The following PLAC1 variants were observed in gnomAD, a reference collection of about 807,000 sequenced individuals.
The protein encoded by PLAC1 is placenta-specific protein 1.
For missense variants in PLAC1, 136 were observed against 163.2 expected (o/e 0.83, Z 0.91); for synonymous variants, 68 against 62.1 (o/e 1.09, Z -0.44).
At position 134,614,816 on chromosome X, in the gene PLAC1, C is replaced by CT. The variant is rs768384971; in HGVS notation, c.-130-12695dup. ...TGCCCAGCTAATTTTTTTTCTTTTT[C>CT]TTTTTTTTTACTTTTGTAAAGATAG... On this transcript the variant is annotated intron_variant, in intron 1 of 2. Coordinates refer to ENST00000359237, the MANE Select transcript of PLAC1 (RefSeq NM_021796.4). 2.7e-3 allele frequency among the ~76,000 whole-genome samples: 289 copies of CT among 109,036 alleles called. 5 individuals carry two copies. The highest frequency in any genetic ancestry group is 9.2e-3 in the African/African-American group (277 of 30,023). 94.7% of individuals were successfully genotyped at this position (109,036 alleles called of 115,157 possible). A position where few individuals can be genotyped will look rare whatever the true frequency, so the allele number is the denominator to read the frequency against.
At chrX:134,719,645 C>G (rs2078652246) in intron 2 of PLAC1, among the ~76,000 whole-genome samples, 1 of 110,722 alleles carries the variant, frequency 9.0e-6, no homozygotes, top group African/African-American at 3.3e-5. Context: ...AAAAAATTAG[C>G]TGGGCGTGGT....
intron 2 of PLAC1, among the ~76,000 whole-genome samples, chrX:134,573,752 CTT>C (rs1465277928): frequency 4.5e-5 from 5 of 111,478 alleles, no homozygotes; most frequent in Non-Finnish European, 9.4e-5. Flanking sequence ...CCACAGTTGA[CTT>C]TATAGGCTAC....
chrX:134,674,609 C>T (rs2078467086), intron 2 of PLAC1, among the ~76,000 whole-genome samples: 1 of 112,520 alleles, frequency 8.9e-6, no homozygotes, highest in Non-Finnish European at 1.9e-5. Context: ...TAATTTAGAA[C>T]TGTAGAAAAC....
Position 134,638,045 on chromosome X carries a change from A to G in PLAC1, c.-131+20283T>C, listed in dbSNP as rs900455988. Among the ~76,000 whole-genome samples, 4 of 112,191 alleles carry G rather than the reference A, an allele frequency of 3.6e-5. No homozygotes were observed. The Admixed American group carries it at 3.8e-4, about 11-fold the overall frequency. ...ATAAACGAGAGTCTACTGGAGGGGAATCCTTTGTTTAAATGTCCTTTTTTG... is the reference window on the plus strand; with the variant it reads ...ATAAACGAGAGTCTACTGGAGGGGAGTCCTTTGTTTAAATGTCCTTTTTTG... On this transcript the variant is annotated intron_variant, in intron 1 of 2. Transcript: ENST00000359237.
At chrX:134,610,455 A>T (rs2078147092) in intron 1 of PLAC1, among the ~76,000 whole-genome samples, 2 of 111,082 alleles carry the variant, frequency 1.8e-5, no homozygotes, top group African/African-American at 6.6e-5. Flanking sequence ...ACTAGATGAG[A>T]ACAGTTTTCC....
At chrX:134,747,309 C>T (rs1051137241) in intron 1 of PLAC1, among the ~76,000 whole-genome samples, 5 of 110,501 alleles carry the variant, frequency 4.5e-5, no homozygotes, top group African/African-American at 1.7e-4. Flanking sequence ...AGAGCATATG[C>T]CCAAAAGTTT....
At chrX:134,698,031 T>G (rs1007613844) in intron 2 of PLAC1, among the ~76,000 whole-genome samples, 1 of 112,359 alleles carries the variant, frequency 8.9e-6, no homozygotes. Context: ...TATTTATATG[T>G]CAATAAATAT....
intron 1 of PLAC1, among the ~76,000 whole-genome samples, chrX:134,755,861 T>C (rs28535293): frequency 3.4e-5 from 3 of 87,280 alleles, no homozygotes; most frequent in East Asian, 3.4e-4. Flanking sequence ...TCTTTCTTTT[T>C]TTTTTTTTTT....
intron 2 of PLAC1, chrX:134,599,451 A>C (rs1193524820): frequency 1.8e-5 from 2 of 111,835 alleles, no homozygotes; most frequent in Non-Finnish European, 3.8e-5. Context: ...TCCTGCCACC[A>C]CATGAAGAAA....
At chrX:134,599,636 C>T (rs1213879669) in intron 2 of PLAC1, 1 of 111,940 alleles carries the variant, frequency 8.9e-6, no homozygotes, top group Admixed American at 9.5e-5. Context: ...GGGTTTTTCC[C>T]CCAGCAGAGC....
intron 2 of PLAC1, among the ~76,000 whole-genome samples, chrX:134,695,421 CA>C (rs746864199): frequency 1.8e-5 from 2 of 112,214 alleles, no homozygotes; most frequent in East Asian, 5.6e-4. Context: ...CCTCCAGATA[CA>C]AGCTGTTAGT....
In PLAC1 at chrX:134,616,806, C is replaced by T. The variant is rs1401032377; in HGVS notation, c.-130-14684G>A. On this transcript the variant is annotated intron_variant, in intron 1 of 2. Coordinates refer to ENST00000359237, the MANE Select transcript of PLAC1 (RefSeq NM_021796.4). ...CACTTTTTTTTTTTAGACAGAGTCT[C>T]GCTCTGTCACCCAGGCTGGAGTGCA... Among the ~76,000 whole-genome samples, 89 of 107,052 alleles carry T rather than the reference C, an allele frequency of 8.3e-4. 1 individual carries two copies. Among genetic ancestry groups the T allele is most frequent in the Admixed American group, 8.3e-3 (83 of 9,995 alleles). 93.0% of individuals were successfully genotyped at this position (107,052 alleles called of 115,157 possible).
At chrX:134,640,776 G>T (rs2078304100) in intron 1 of PLAC1, among the ~76,000 whole-genome samples, 1 of 112,253 alleles carries the variant, frequency 8.9e-6, no homozygotes, top group African/African-American at 3.2e-5. Flanking sequence ...CCAGCACAGT[G>T]CCTGGAGCAC....
chrX:134,580,268 C>T (rs1210594160), intron 2 of PLAC1, among the ~76,000 whole-genome samples: 1 of 111,874 alleles, frequency 8.9e-6, no homozygotes, highest in Non-Finnish European at 1.9e-5. Context: ...CTGAGATTCC[C>T]GCAGAAAGAA....
chrX:134,568,098 G>A (rs915254987), intron 2 of PLAC1, among the ~76,000 whole-genome samples: 5 of 111,949 alleles, frequency 4.5e-5, no homozygotes, highest in Non-Finnish European at 9.4e-5. Context: ...GAAAGCAAGA[G>A]CAACATCATC....
intron 2 of PLAC1, among the ~76,000 whole-genome samples, chrX:134,583,416 C>A: frequency 1.4e-5 from 1 of 72,638 alleles, no homozygotes; most frequent in African/African-American, 5.0e-5. Context: ...TGGCTTACGT[C>A]TAAACCACAT....
chrX:134,574,938 C>T (rs1016552641), intron 2 of PLAC1, among the ~76,000 whole-genome samples: 1 of 111,705 alleles, frequency 9.0e-6, no homozygotes, highest in African/African-American at 3.3e-5. Context: ...AAAAAGGAAC[C>T]TAAACCACAG....
chrX:134,740,533 G>C (rs1031362402), intron 1 of PLAC1, among the ~76,000 whole-genome samples: 1 of 111,326 alleles, frequency 9.0e-6, no homozygotes, highest in African/African-American at 3.3e-5. Flanking sequence ...GGTTACCTTT[G>C]ACATGGAAGT....
At chrX:134,591,851 T>C (rs1280751851) in intron 2 of PLAC1, among the ~76,000 whole-genome samples, 1 of 112,391 alleles carries the variant, frequency 8.9e-6, no homozygotes, top group African/African-American at 3.2e-5. Context: ...CTAATAGGTA[T>C]GTAGTGACAT....
Sources: allele counts gnomAD v4.1 joint callset (sites outside exome capture counted in the v4.1 genomes callset), GRCh38; gene constraint gnomAD v4.1.1; transcripts MANE v1.5; gene names NCBI Gene and HGNC (gene_info 2026-07-23, HGNC 2026-07-21).